HK3: variants seen among roughly 807,000 people sequenced by gnomAD.
HK3 encodes the protein hexokinase-3.
In HK3, 93 loss-of-function variants were observed where a neutral mutation model predicts 91.0. The observed-to-expected ratio is 1.02, with a 90% CI of 0.86 to 1.21. The LOEUF (loss-of-function observed/expected upper bound fraction) is 1.21. HK3 is among the 50% of genes most tolerant of loss of function. HK3 has a pLI of 0.00. For missense variants in HK3, 1,235 were observed against 1,247.4 expected, an observed-to-expected ratio of 0.99 and a Z score of 0.15; for synonymous variants, 519 against 516.9, an observed-to-expected ratio of 1.00 and a Z score of -0.06.
At chr5:176,888,916 C>A (rs1260878294) in intron 8 of HK3, 52 bp from the exon 9 acceptor site, 1 of 1,576,606 alleles carries the variant, frequency 6.3e-7, no homozygotes, top group Admixed American at 1.9e-5. Context: ...CCTCAGTCCA[C>A]CTGGCCCTAC....
chr5:176,887,418 T>C lies in HK3; in HGVS notation c.1600+33A>G, dbSNP rs558790846. 2 of 1,612,612 alleles carry C rather than the reference T, an allele frequency of 1.2e-6. No homozygotes were observed. Among genetic ancestry groups the C allele is most frequent in the East Asian group, 2.2e-5 (1 of 44,836 alleles). ...ACACACTGGGACCCCCAGGAGCCCATGTTTCGGTCCCACACTCAGGCCAGG... is the reference window on the plus strand; with the variant it reads ...ACACACTGGGACCCCCAGGAGCCCACGTTTCGGTCCCACACTCAGGCCAGG... On this transcript the variant is annotated intron_variant, in intron 11 of 18. Coordinates refer to ENST00000292432, the MANE Select transcript of HK3 (RefSeq NM_002115.3). This position sits in a 1 kb window ranked among gnomAD's most constrained non-coding sequence, Gnocchi z 4.9.
intron 6 of HK3, among the ~76,000 whole-genome samples, chr5:176,889,955 A>T (rs1199502348): frequency 6.6e-6 from 1 of 151,814 alleles, no homozygotes; most frequent in African/African-American, 2.4e-5. Flanking sequence ...GCTCCTCCCT[A>T]ACCCCCAACT....
At chr5:176,890,561 G>T in intron 6 of HK3, 74 bp downstream of exon 6, 5 of 1,273,282 alleles carry the variant, frequency 3.9e-6, no homozygotes, top group Non-Finnish European at 5.7e-6. Flanking sequence ...TCTCTCAGAA[G>T]CCCAGACCCA....
At position 176,888,569 on chromosome 5, in the gene HK3, G is replaced by C; in HGVS notation, c.1071-4C>G. 1.3e-6 allele frequency: 2 copies of C among 1,574,840 alleles called. No homozygotes were observed. Among genetic ancestry groups the C allele is most frequent in the African/African-American group, 1.4e-5 (1 of 73,806 alleles). ...ACGGGCTGCCCCAGTAGAGGGGCTG[G>C]AGGGGAAAGGGAAGTGGTTTGGGGC... On this transcript the variant is annotated splice_region_variant and splice_polypyrimidine_tract_variant and intron_variant, in intron 9 of 18. Transcript: ENST00000292432.
chr5:176,895,028 C>T (rs1241708044), intron 2 of HK3, among the ~76,000 whole-genome samples: 3 of 151,288 alleles, frequency 2.0e-5, no homozygotes, highest in East Asian at 1.9e-4. Flanking sequence ...CCGCTCACCT[C>T]GGCCTCCCAA....
chr5:176,890,173 T>C (rs1339954428), intron 6 of HK3, among the ~76,000 whole-genome samples: 6 of 152,168 alleles, frequency 3.9e-5, no homozygotes, highest in African/African-American at 1.4e-4. Flanking sequence ...TCCAGACTCT[T>C]GTGTGTGGCC....
chr5:176,882,211 G>A (rs953594885), intron 15 of HK3, 84 bp from the exon 16 acceptor site: 15 of 1,414,234 alleles, frequency 1.1e-5, no homozygotes, highest in African/African-American at 9.9e-5. Flanking sequence ...AGATGGCAAC[G>A]ATTCGGGCTC....
chr5:176,890,802 C>A lies in HK3; in HGVS notation c.534+20G>T. On this transcript the variant is annotated intron_variant, in intron 5 of 18. Transcript: ENST00000292432. Reference sequence around the variant, plus strand: ...CTGCAGCCACCCTCTACCCAGCGTCCCATGTCCACTCCACCTCACCCTGTC... The same window carrying A: ...CTGCAGCCACCCTCTACCCAGCGTCACATGTCCACTCCACCTCACCCTGTC... The A allele has an allele frequency of 1.9e-6, 3 of 1,614,206 alleles. No homozygotes were observed. The highest frequency in any genetic ancestry group is 2.5e-6 in the Non-Finnish European group (3 of 1,180,038).
In HK3 at chr5:176,884,473, T is replaced by G. The variant is rs1233524037; in HGVS notation, c.1858-339A>C. Among the ~76,000 whole-genome samples the G allele has an allele frequency of 6.6e-6, 1 of 152,202 alleles. No homozygotes were observed. Among genetic ancestry groups the G allele is most frequent in the African/African-American group, 2.4e-5 (1 of 41,432 alleles). On this transcript the variant is annotated intron_variant, in intron 13 of 18. Coordinates refer to ENST00000292432, the MANE Select transcript of HK3 (RefSeq NM_002115.3). The surrounding 1 kb of genome is among the most constrained non-coding windows in gnomAD (Gnocchi z 4.1). The stretch of plus-strand genomic sequence containing the variant: ...TTAACAGAGCTGGTAAAGTGAGTGC[T>G]GTGTGTGAGACAGGGGAGGACAGAG...
rs61749652 is a variant in HK3, at chr5:176,888,821, G to T, written c.958C>A (p.Arg320=). The T allele has an allele frequency of 0.021, 33,806 of 1,613,864 alleles. 425 individuals are homozygous for T. Among genetic ancestry groups the T allele is most frequent in the South Asian group, 0.034 (3,133 of 91,042 alleles). The change falls in exon 9 of 19, where the codon CGG becomes AGG. Residue 320 remains arginine (R), a synonymous_variant. Coordinates refer to ENST00000292432, the MANE Select transcript of HK3 (RefSeq NM_002115.3). ...IGGLYLGELV[R]LVLAHLARCG... ...CGGGCCAAGTGAGCCAGCACCAGCCGCACCAGCTCACCCAGGTACAGGCCT... is the reference window on the plus strand; with the variant it reads ...CGGGCCAAGTGAGCCAGCACCAGCCTCACCAGCTCACCCAGGTACAGGCCT...
rs1323459746 is a variant in HK3, at chr5:176,887,540, A to G, written c.1511T>C (p.Met504Thr). Residue 504 changes from methionine (M) to threonine (T), a missense_variant, in exon 11 of 19, where the codon ATG becomes ACG. Physicochemically the swap from Met to Thr is moderately conservative, Grantham distance 81. Coordinates refer to ENST00000292432, the MANE Select transcript of HK3 (RefSeq NM_002115.3). The surrounding 1 kb of genome is among the most constrained non-coding windows in gnomAD (Gnocchi z 4.9). ...HDQLAAVQAQ[M>T]RKAMAKGLRG... is the part of the protein sequence containing the mutation. ...GAGCCCCTTGGCCATGGCCTTCCGCATCTGTGCCTGAACCGCAGCCAGTTG... is the reference window on the plus strand; with the variant it reads ...GAGCCCCTTGGCCATGGCCTTCCGCGTCTGTGCCTGAACCGCAGCCAGTTG... 6.2e-7 allele frequency: 1 copy of G among 1,613,772 alleles called. No homozygotes were observed.
chr5:176,894,384 G>A (rs966279092), intron 2 of HK3, among the ~76,000 whole-genome samples: 5 of 152,204 alleles, frequency 3.3e-5, no homozygotes, highest in Admixed American at 6.5e-5. Flanking sequence ...CCCCAAAGCC[G>A]AAAGGGATTC....
In HK3 at chr5:176,889,727, C is replaced by T; in HGVS notation, c.648G>A (p.Val216=). Residue 216 remains valine, a synonymous_variant, in exon 7 of 19, where the codon GTG becomes GTA. Transcript: ENST00000292432. ...IRRQGAYNID[V]VAVVNDTVGT... Reference sequence around the variant, plus strand: ...CCACTGTGTCGTTCACCACAGCAACCACGTCGATGTTGTAGGCCTAGATGA... The same window carrying T: ...CCACTGTGTCGTTCACCACAGCAACTACGTCGATGTTGTAGGCCTAGATGA... 1 of 1,614,056 alleles carries T rather than the reference C, an allele frequency of 6.2e-7. No homozygotes were observed. Among genetic ancestry groups the T allele is most frequent in the Non-Finnish European group, 8.5e-7 (1 of 1,180,018 alleles).
rs1758413919 is a variant in HK3 at position 176,881,146 on chromosome 5, T to A, written c.2699A>T (p.Glu900Val). The A allele has an allele frequency of 6.2e-7, 1 of 1,612,990 alleles. No individual in the cohort carries two copies. The highest frequency in any genetic ancestry group is 1.1e-5 in the South Asian group (1 of 91,090). ...PRCVVTFLQS[E>V]DGSGKGAALV... ...GGCCGCACCTTTGCCGGACCCATCC[T>A]CTGACTGCAGGAACGTGACCACACA... The change falls in exon 19 of 19, where the codon GAG (glutamate) becomes GTG (valine). Residue 900 changes from glutamate (E) to valine (V), a missense_variant. By Grantham distance (121) the Glu-to-Val change is moderately radical. Coordinates refer to ENST00000292432, the MANE Select transcript of HK3 (RefSeq NM_002115.3).
At chr5:176,888,263 G>T in intron 10 of HK3, 69 bp downstream of exon 10, 1 of 1,317,130 alleles carries the variant, frequency 7.6e-7, no homozygotes, top group Non-Finnish European at 1.1e-6. Context: ...ATCCCAGAGG[G>T]CCCTCTGGGT....
rs1758637592 is a variant in HK3, at chr5:176,887,694, C to T, written c.1357G>A (p.Val453Ile). 3 of 1,613,332 alleles carry T rather than the reference C, an allele frequency of 1.9e-6. No individual in the cohort carries two copies. The highest frequency in any genetic ancestry group is 1.7e-6 in the Non-Finnish European group (2 of 1,179,446). Residue 453 changes from valine to isoleucine, a missense_variant, in exon 11 of 19, where the codon GTC (valine) becomes ATC (isoleucine). By Grantham distance (29) the Val-to-Ile change is conservative. Around this residue, in one of 3 missense-constraint regions of HK3, gnomAD observed 717 missense variants for 751.6 expected, o/e 0.95. Transcript: ENST00000292432. This position sits in a 1 kb window ranked among gnomAD's most constrained non-coding sequence, Gnocchi z 4.9. ...CCATCCACAGAGGGGATTAAGGAGACATCGCATTCCGGGGCCAGGAGCATC... is the reference window on the plus strand; with the variant it reads ...CCATCCACAGAGGGGATTAAGGAGATATCGCATTCCGGGGCCAGGAGCATC... ...TVMLLAPECD[V>I]SLIPSVDGGG...
At chr5:176,885,076 G>T (rs569773502) in intron 13 of HK3, among the ~76,000 whole-genome samples, 253 of 152,326 alleles carry the variant, frequency 1.7e-3, no homozygotes, top group African/African-American at 5.8e-3. Flanking sequence ...CCTAGAGTGG[G>T]GAAGGGGAGG....
chr5:176,888,679 C>T (rs776192113), intron 9 of HK3, 30 bp downstream of exon 9: 4 of 1,614,008 alleles, frequency 2.5e-6, no homozygotes, highest in Non-Finnish European at 3.4e-6. Flanking sequence ...GCCAAGAATC[C>T]CCCACTAAAC....
chr5:176,890,365 C>A (rs1478964634), intron 6 of HK3, among the ~76,000 whole-genome samples: 2 of 152,214 alleles, frequency 1.3e-5, no homozygotes, highest in Non-Finnish European at 2.9e-5. Flanking sequence ...ACTGTGAAAA[C>A]CTTGAGGAGG....
Sources: gnomAD v4.1 joint callset for allele counts (sites outside exome capture counted in the v4.1 genomes callset) on GRCh38, gnomAD v4.1.1 for gene constraint, gnomAD v4.1.1 regional missense constraint, Gnocchi (gnomAD v3.1) non-coding constraint, MANE v1.5 for transcripts, NCBI Gene and HGNC (gene_info 2026-07-23, HGNC 2026-07-21) for gene names.